COPG2: variants seen among roughly 807,000 people sequenced by gnomAD.
The protein encoded by COPG2 is coat protein complex I subunit gamma 2, also known as coatomer subunit gamma-2.
Under a neutral mutation model 46.3 loss-of-function variants are expected in COPG2, and 37 were observed. That is an observed-to-expected ratio of 0.80 (90% CI 0.61 to 1.05). The LOEUF (loss-of-function observed/expected upper bound fraction) is 1.05. COPG2 is among the 50% of genes least tolerant of loss of function. The pLI is 0.00. For synonymous variants in COPG2, 159 were observed against 129.7 expected, an observed-to-expected ratio of 1.23 and a Z score of -1.53; for missense variants, 427 against 387.8, an observed-to-expected ratio of 1.10 and a Z score of -0.85.
At chr7:130,624,351 T>C (rs1263296966) in intron 5 of COPG2, among the ~76,000 whole-genome samples, 1 of 152,236 alleles carries the variant, frequency 6.6e-6, no homozygotes, top group African/African-American at 2.4e-5. Flanking sequence ...TTGGTTGTTG[T>C]TGTAAATGGG....
intron 9 of COPG2, among the ~76,000 whole-genome samples, chr7:130,599,017 G>A (rs1279532160): frequency 6.6e-6 from 1 of 152,196 alleles, no homozygotes; most frequent in African/African-American, 2.4e-5. Context: ...TGCCTCAGAT[G>A]CAGACTCTTC....
intron 20 of COPG2, among the ~76,000 whole-genome samples, chr7:130,542,291 G>A (rs1793342392): frequency 3.3e-5 from 5 of 151,114 alleles, no homozygotes. Context: ...TGAGGCCACA[G>A]AAACAGGGTG....
Position 130,561,013 on chromosome 7 carries a change from G to T in COPG2, c.1128+20C>A. ...CAGCCAACAGACTGGGAGAAAATAT[G>T]ATCATGTTTAAACTCTTACCTTGAA... On this transcript the variant is annotated intron_variant, in intron 12 of 23. Coordinates refer to ENST00000425248, the MANE Select transcript of COPG2 (RefSeq NM_012133.6). The T allele has an allele frequency of 2.5e-6, 1 of 398,502 alleles. No individual in the cohort carries two copies. The highest frequency in any genetic ancestry group is 1.3e-4 in the South Asian group (1 of 7,812). The allele number at this position is 398,502 out of a possible 1,614,324, so 24.7% of individuals were successfully genotyped here. A position where few individuals can be genotyped will look rare whatever the true frequency, so the allele number is the denominator to read the frequency against.
At chr7:130,652,120 A>G (rs1449252203) in intron 5 of COPG2, among the ~76,000 whole-genome samples, 4 of 152,348 alleles carry the variant, frequency 2.6e-5, no homozygotes, top group African/African-American at 9.6e-5. Context: ...TCAATGGTAG[A>G]CACGTAAGTT....
chr7:130,513,327 A>ATGTGTGTGTGTGTG (rs1270078580), intron 20 of COPG2, among the ~76,000 whole-genome samples: 1 of 61,092 alleles, frequency 1.6e-5, no homozygotes, highest in African/African-American at 5.4e-5. Flanking sequence ...ATATATATAT[A>ATGTGTGTGTGTGTG]TATATATATA....
chr7:130,595,870 C>T (rs2129904), intron 9 of COPG2, among the ~76,000 whole-genome samples: 118,556 of 152,076 alleles, frequency 0.78, 46,628 homozygotes, highest in Non-Finnish European at 0.85. Context: ...TCAGCCACAT[C>T]AGAACCACCA....
chr7:130,619,417 G>A (rs561343086), intron 5 of COPG2, among the ~76,000 whole-genome samples: 17 of 152,024 alleles, frequency 1.1e-4, no homozygotes, highest in East Asian at 3.9e-4. Context: ...TCTTTTTGTC[G>A]CTGCCATAAA....
chr7:130,617,210 G>A (rs1207456951), intron 5 of COPG2, 145 bp from the exon 6 acceptor site: 2 of 508,446 alleles, frequency 3.9e-6, no homozygotes, highest in Non-Finnish European at 7.0e-6. Context: ...CTTTGTATAT[G>A]TGCTAAGACT....
chr7:130,574,896 G>A (rs1429354067), intron 9 of COPG2, among the ~76,000 whole-genome samples: 1 of 152,114 alleles, frequency 6.6e-6, no homozygotes, highest in African/African-American at 2.4e-5. Context: ...CACACTCACA[G>A]AAATGCAAAA....
intron 9 of COPG2, among the ~76,000 whole-genome samples, chr7:130,577,787 A>AAAG (rs1794037977): frequency 5.3e-5 from 8 of 150,658 alleles, no homozygotes; most frequent in African/African-American, 2.0e-4. Flanking sequence ...AAAAAAAAAA[A>AAAG]ACAAAAAAAA....
chr7:130,666,707 T>C lies in COPG2; in HGVS notation c.171+142A>G, dbSNP rs1554461468. Reference sequence around the variant, plus strand: ...AGTCCTCGTACTCAAGTTTTACATATTATTTTGTTAACCAAACGTTGTATA... The same window carrying C: ...AGTCCTCGTACTCAAGTTTTACATACTATTTTGTTAACCAAACGTTGTATA... On this transcript the variant is annotated intron_variant, in intron 3 of 23. Transcript: ENST00000425248. 8 of 583,956 alleles carry C rather than the reference T, an allele frequency of 1.4e-5. No homozygotes were observed. In the South Asian group the frequency reaches 1.4e-4, roughly 10 times the overall value. The allele number at this position is 583,956 out of a possible 1,614,324, so 36.2% of individuals were successfully genotyped here.
intron 9 of COPG2, among the ~76,000 whole-genome samples, chr7:130,575,187 A>G (rs1257560222): frequency 6.6e-6 from 1 of 152,222 alleles, no homozygotes; most frequent in African/African-American, 2.4e-5. Flanking sequence ...ACATCCAAAT[A>G]CAAGAAGCAC....
intron 20 of COPG2, among the ~76,000 whole-genome samples, chr7:130,517,791 T>C (rs1426687891): frequency 2.0e-5 from 3 of 152,200 alleles, no homozygotes; most frequent in African/African-American, 7.2e-5. Context: ...ATCTAAGTAA[T>C]GGGAGCACTG....
intron 1 of COPG2, among the ~76,000 whole-genome samples, chr7:130,668,237 C>T (rs1210717157): frequency 2.6e-5 from 4 of 152,128 alleles, no homozygotes; most frequent in Non-Finnish European, 5.9e-5. Flanking sequence ...GTGCCGTCGA[C>T]CCCAGCCCCG....
In COPG2 at chr7:130,666,905, T is replaced by C. The variant is rs369854957; in HGVS notation, c.115A>G (p.Ile39Val). ...QEARIFNETP[I>V]NPRRCLHILT... ...ATATGCAAACATCTTCTTGGATTGA[T>C]TGGAGTTTCATTGAATATACGAGCC... is the stretch of plus-strand genomic sequence containing the variant. Residue 39 changes from isoleucine (I) to valine (V), a missense_variant, in exon 3 of 24, where the codon ATC becomes GTC. Ile to Val is a conservative substitution (Grantham distance 29, BLOSUM62 3). Coordinates refer to ENST00000425248, the MANE Select transcript of COPG2 (RefSeq NM_012133.6). The C allele has an allele frequency of 1.2e-5, 19 of 1,566,254 alleles. No homozygotes were observed. The East Asian group carries it at 2.7e-4, about 22-fold the overall frequency.
At chr7:130,602,072 T>C (rs544061881) in intron 9 of COPG2, among the ~76,000 whole-genome samples, 1 of 152,306 alleles carries the variant, frequency 6.6e-6, no homozygotes, top group Admixed American at 6.5e-5. Flanking sequence ...GGAGGGACCT[T>C]GAATCAAACT....
At chr7:130,511,788 A>G (rs782512737) in intron 20 of COPG2, 2 of 519,356 alleles carry the variant, frequency 3.9e-6, no homozygotes, top group Non-Finnish European at 7.7e-6. Context: ...TGCATGGGAA[A>G]TACACAGAAA....
Position 130,605,605 on chromosome 7 carries a change from G to A in COPG2, c.737+5348C>T, listed in dbSNP as rs189299121. On this transcript the variant is annotated intron_variant, in intron 9 of 23. Coordinates refer to ENST00000425248, the MANE Select transcript of COPG2 (RefSeq NM_012133.6). Reference sequence around the variant, plus strand: ...CTTTAGTTGCTCATTGAAAGCATGAGAAGGAATACAGGCAACCTCTAGAGG... The same window carrying A: ...CTTTAGTTGCTCATTGAAAGCATGAAAAGGAATACAGGCAACCTCTAGAGG... The A allele has an allele frequency of 4.1e-4, 175 of 421,752 alleles. No individual in the cohort carries two copies. The East Asian group carries it at 0.012, about 28-fold the overall frequency. 26.1% of individuals were successfully genotyped at this position (421,752 alleles called of 1,614,324 possible).
At chr7:130,602,482 A>C (rs961129220) in intron 9 of COPG2, among the ~76,000 whole-genome samples, 1 of 151,288 alleles carries the variant, frequency 6.6e-6, no homozygotes, top group Non-Finnish European at 1.5e-5. Flanking sequence ...TCCTTTTTTT[A>C]CTTTTTTTGA....
Sources: gnomAD v4.1 joint callset for allele counts (sites outside exome capture counted in the v4.1 genomes callset) on GRCh38, gnomAD v4.1.1 for gene constraint, MANE v1.5 for transcripts, NCBI Gene and HGNC (gene_info 2026-07-23, HGNC 2026-07-21) for gene names.